The following LCLAT1 variants were observed in gnomAD, a reference collection of about 807,000 sequenced individuals.
The protein encoded by LCLAT1 is 1-AGP acyltransferase 8.
A neutral mutation model predicts 30.7 loss-of-function variants in LCLAT1; 11 were observed. That is an observed-to-expected ratio of 0.36 (90% CI 0.23 to 0.59). The LOEUF (loss-of-function observed/expected upper bound fraction) is 0.59, where lower values mean the gene tolerates loss of function less well. Ranked by LOEUF, LCLAT1 falls within the 20% of genes least tolerant of loss-of-function variation. The probability of loss-of-function intolerance (pLI) is 0.77; values close to 1 mark genes in which losing one functional copy is unlikely to be tolerated. For synonymous variants in LCLAT1, 155 were observed against 151.3 expected (o/e 1.02, Z -0.18); for missense variants, 402 against 458.6 (o/e 0.88, Z 1.13).
chr2:30,570,579 A>G (rs554769915), intron 5 of LCLAT1, among the ~76,000 whole-genome samples: 7 of 152,334 alleles, frequency 4.6e-5, no homozygotes, highest in African/African-American at 1.4e-4. Context: ...ATTGGAATAC[A>G]GTTTGTCTAA....
chr2:30,616,804 G>A (rs189990449), intron 5 of LCLAT1, among the ~76,000 whole-genome samples: 6 of 151,648 alleles, frequency 4.0e-5, no homozygotes, highest in Admixed American at 6.6e-5. Flanking sequence ...TGAATGAATA[G>A]GAAAAGATCC....
At chr2:30,619,874 A>C (rs998210640) in intron 5 of LCLAT1, among the ~76,000 whole-genome samples, 1 of 152,184 alleles carries the variant, frequency 6.6e-6, no homozygotes, top group Non-Finnish European at 1.5e-5. Context: ...CCAGGTTCCA[A>C]AGTGGGAATA....
At chr2:30,639,018 T>C (rs1669173031) in intron 5 of LCLAT1, among the ~76,000 whole-genome samples, 1 of 152,214 alleles carries the variant, frequency 6.6e-6, no homozygotes, top group Admixed American at 6.5e-5. Flanking sequence ...GAGTAATCTT[T>C]GCTAAAATGA....
chr2:30,448,853 C>T lies in LCLAT1; in HGVS notation c.-5+1470C>T, dbSNP rs1226922232. On this transcript the variant is annotated intron_variant, in intron 1 of 5. Coordinates refer to ENST00000379509, the MANE Select transcript of LCLAT1 (RefSeq NM_001002257.3). ...TACAACTTCACTATTGGTGTCTTAT[C>T]TCTAAAGTGAGTATTTCTTATTCAA... Among the ~76,000 whole-genome samples, 4 of 149,382 alleles carry T rather than the reference C, an allele frequency of 2.7e-5. No individual in the cohort carries two copies. The Admixed American group carries it at 2.7e-4, about 10-fold the overall frequency.
chr2:30,581,434 G>A (rs1666209304), intron 5 of LCLAT1, among the ~76,000 whole-genome samples: 1 of 152,176 alleles, frequency 6.6e-6, no homozygotes, highest in Admixed American at 6.5e-5. Context: ...AAATTAGTAT[G>A]TTGAAGAGAC....
At chr2:30,546,309 A>AT (rs1321437237) in intron 3 of LCLAT1, among the ~76,000 whole-genome samples, 1 of 152,150 alleles carries the variant, frequency 6.6e-6, no homozygotes, top group Non-Finnish European at 1.5e-5. Context: ...ATATTAAATA[A>AT]TTTTTTTAGT....
chr2:30,530,337 G>T (rs1283411754), intron 2 of LCLAT1, among the ~76,000 whole-genome samples: 3 of 152,174 alleles, frequency 2.0e-5, no homozygotes, highest in African/African-American at 7.2e-5. Context: ...CTTTATTTCT[G>T]TGTAGTATAT....
At chr2:30,456,787 A>G (rs935060738) in intron 1 of LCLAT1, among the ~76,000 whole-genome samples, 2 of 152,214 alleles carry the variant, frequency 1.3e-5, no homozygotes, top group African/African-American at 2.4e-5. Flanking sequence ...CTGTATCTTC[A>G]GAGTCCAGAG....
intron 1 of LCLAT1, among the ~76,000 whole-genome samples, chr2:30,521,753 C>G (rs1235899974): frequency 6.6e-6 from 1 of 151,872 alleles, no homozygotes; most frequent in African/African-American, 2.4e-5. Context: ...GATCTGCTCC[C>G]CTTGGCCTCC....
At position 30,568,158 on chromosome 2, in the gene LCLAT1, G is replaced by A. The variant is rs369988749; in HGVS notation, c.610G>A (p.Val204Ile). The change falls in exon 5 of 6, where the codon GTA becomes ATA. Residue 204 changes from valine (V) to isoleucine (I), a missense_variant. By Grantham distance (29) the Val-to-Ile change is conservative (BLOSUM62 3). Coordinates refer to ENST00000379509, the MANE Select transcript of LCLAT1 (RefSeq NM_001002257.3). ...HPRTTGFTFV[V>I]DRLREGKNLD... ...AAGAACTACAGGCTTTACTTTTGTGGTAGACCGTCTAAGAGAAGGTAAGCA... is the reference window on the plus strand; with the variant it reads ...AAGAACTACAGGCTTTACTTTTGTGATAGACCGTCTAAGAGAAGGTAAGCA... The A allele has an allele frequency of 7.2e-5, 115 of 1,590,866 alleles. No homozygotes were observed. Among genetic ancestry groups the A allele is most frequent in the Non-Finnish European group, 9.5e-5 (111 of 1,166,292 alleles).
At chr2:30,533,078 T>C (rs1686056741) in intron 2 of LCLAT1, 38 bp from the exon 3 acceptor site, 1 of 1,439,440 alleles carries the variant, frequency 6.9e-7, no homozygotes. Flanking sequence ...TGGAAAATCA[T>C]AACTTTAATT....
chr2:30,609,680 T>C (rs1203317350), intron 5 of LCLAT1, among the ~76,000 whole-genome samples: 2 of 152,154 alleles, frequency 1.3e-5, no homozygotes, highest in African/African-American at 4.8e-5. Context: ...TGTTTAGGCA[T>C]TTCAGCCCAC....
At chr2:30,597,460 A>G (rs1666973402) in intron 5 of LCLAT1, among the ~76,000 whole-genome samples, 1 of 152,144 alleles carries the variant, frequency 6.6e-6, no homozygotes, top group Non-Finnish European at 1.5e-5. Flanking sequence ...TTGTTGGTGT[A>G]TAGGAATGCT....
At chr2:30,618,554 C>T (rs575519655) in intron 5 of LCLAT1, among the ~76,000 whole-genome samples, 7 of 152,148 alleles carry the variant, frequency 4.6e-5, no homozygotes, top group South Asian at 4.1e-4. Flanking sequence ...GCAGACACTG[C>T]GGTCTACTTG....
intron 1 of LCLAT1, among the ~76,000 whole-genome samples, chr2:30,503,044 G>A (rs1207502437): frequency 1.3e-5 from 2 of 152,170 alleles, no homozygotes; most frequent in African/African-American, 2.4e-5. Context: ...TCAATTACAT[G>A]CAAATTAAGG....
intron 5 of LCLAT1, among the ~76,000 whole-genome samples, chr2:30,575,394 A>G (rs141717125): frequency 3.0e-4 from 45 of 152,244 alleles, no homozygotes; most frequent in African/African-American, 1.0e-3. Flanking sequence ...ATAGTTTGGT[A>G]CAAATTTTTA....
At chr2:30,455,800 C>T (rs1184358278) in intron 1 of LCLAT1, among the ~76,000 whole-genome samples, 1 of 149,860 alleles carries the variant, frequency 6.7e-6, no homozygotes, top group Non-Finnish European at 1.5e-5. Context: ...GTCCTAGCTA[C>T]TTGGGAGGCT....
intron 5 of LCLAT1, among the ~76,000 whole-genome samples, chr2:30,605,753 A>C (rs899474592): frequency 5.3e-5 from 8 of 152,138 alleles, no homozygotes; most frequent in Non-Finnish European, 1.0e-4. Flanking sequence ...CCTAATAGAG[A>C]AATGGATGAG....
At chr2:30,521,492 CTTTTTTTTTTTTTTTT>C (rs869093721) in intron 1 of LCLAT1, among the ~76,000 whole-genome samples, 2 of 16,816 alleles carry the variant, frequency 1.2e-4, no homozygotes, top group Non-Finnish European at 2.2e-4. Flanking sequence ...ACTACTTCTT[CTTTTTTTTTTTTTTTT>C]TTTTTTTTTT....
Sources: allele counts gnomAD v4.1 joint callset (sites outside exome capture counted in the v4.1 genomes callset), GRCh38; gene constraint gnomAD v4.1.1; transcripts MANE v1.5; gene names NCBI Gene and HGNC (gene_info 2026-07-23, HGNC 2026-07-21).